Variants in DCLK1 observed in about 807,000 individuals in gnomAD.
DCLK1 encodes serine/threonine-protein kinase DCLK1.
Under a neutral mutation model 86.2 loss-of-function variants are expected in DCLK1, and 16 were observed. The observed-to-expected ratio is 0.19, with a 90% CI of 0.13 to 0.28. DCLK1 has a LOEUF of 0.28. DCLK1 is among the 10% of genes least tolerant of loss of function. The pLI, the probability that DCLK1 is intolerant of heterozygous loss-of-function variation, is 1.00. For missense variants in DCLK1, 590 were observed against 940.2 expected, an observed-to-expected ratio of 0.63 and a Z score of 4.87; for synonymous variants, 369 against 370.5, an observed-to-expected ratio of 1.00 and a Z score of 0.05.
At chr13:36,063,805 A>G (rs1304014005) in intron 3 of DCLK1, among the ~76,000 whole-genome samples, 1 of 152,250 alleles carries the variant, frequency 6.6e-6, no homozygotes, top group East Asian at 1.9e-4. Context: ...TTGAAATAAC[A>G]GCTTTATTAA....
intron 6 of DCLK1, among the ~76,000 whole-genome samples, chr13:35,839,977 A>G (rs1418420564): frequency 6.6e-6 from 1 of 152,202 alleles, no homozygotes; most frequent in Non-Finnish European, 1.5e-5. Flanking sequence ...TTTCAATGCT[A>G]TTTCTAAATA....
At chr13:35,949,825 G>T (rs375830157) in intron 3 of DCLK1, among the ~76,000 whole-genome samples, 8 of 130,672 alleles carry the variant, frequency 6.1e-5, no homozygotes, top group South Asian at 2.5e-4. Context: ...ATCTTGGGCA[G>T]TTTTTTTTTT....
intron 6 of DCLK1, chr13:35,849,994 C>T: frequency 1.0e-6 from 1 of 966,654 alleles, no homozygotes; most frequent in Non-Finnish European, 1.2e-6. Context: ...ATAGCTTAAG[C>T]TAAATTTATA....
In DCLK1 at chr13:36,004,073, TAAC is replaced by T. The variant is rs1441887982; in HGVS notation, c.724-56619_724-56617del. 2.0e-5 allele frequency among the ~76,000 whole-genome samples: 3 copies of T among 152,194 alleles called. 1 individual carries two copies. Among genetic ancestry groups the T allele is most frequent in the Admixed American group, 2.0e-4 (3 of 15,284 alleles). Reference sequence around the variant, plus strand: ...TAAATATAAAAAGTCATGGAATTGATAACAACAAAATAATACATTTATCTGATA... The same window carrying T: ...TAAATATAAAAAGTCATGGAATTGATAACAAAATAATACATTTATCTGATA... On this transcript the variant is annotated intron_variant, in intron 3 of 16. Coordinates refer to ENST00000360631, the MANE Select transcript of DCLK1 (RefSeq NM_001330071.2).
At chr13:36,046,664 G>C (rs1053546155) in intron 3 of DCLK1, among the ~76,000 whole-genome samples, 2 of 152,152 alleles carry the variant, frequency 1.3e-5, no homozygotes, top group Non-Finnish European at 2.9e-5. Flanking sequence ...AGTGTGTTAT[G>C]ACCCCATTCC....
At chr13:35,877,522 G>A (rs934450978) in intron 4 of DCLK1, among the ~76,000 whole-genome samples, 1 of 152,204 alleles carries the variant, frequency 6.6e-6, no homozygotes, top group Admixed American at 6.5e-5. Flanking sequence ...AGACAGCCTT[G>A]GTGACATGCT....
chr13:35,991,843 C>T (rs892141153), intron 3 of DCLK1, among the ~76,000 whole-genome samples: 2 of 152,122 alleles, frequency 1.3e-5, no homozygotes, highest in African/African-American at 4.8e-5. Flanking sequence ...AAACTGCCTA[C>T]CCTGTTCTAA....
chr13:35,925,676 TA>T (rs1876073334), intron 4 of DCLK1, among the ~76,000 whole-genome samples: 1 of 152,244 alleles, frequency 6.6e-6, no homozygotes, highest in Non-Finnish European at 1.5e-5. Context: ...TTAATTTTAT[TA>T]TCTTTGAGTC....
intron 3 of DCLK1, among the ~76,000 whole-genome samples, chr13:35,990,971 C>T (rs1298378847): frequency 6.6e-6 from 1 of 152,090 alleles, no homozygotes; most frequent in Admixed American, 6.5e-5. Context: ...TCCTGGTGGA[C>T]CAGGTTCCTT....
intron 8 of DCLK1, among the ~76,000 whole-genome samples, chr13:35,834,456 T>A (rs1869203689): frequency 1.3e-5 from 2 of 152,214 alleles, no homozygotes; most frequent in African/African-American, 4.8e-5. Context: ...GCTAAGTACT[T>A]CTTACCTGAC....
At chr13:36,118,986 T>C (rs535134117) in intron 2 of DCLK1, among the ~76,000 whole-genome samples, 7 of 152,300 alleles carry the variant, frequency 4.6e-5, no homozygotes, top group African/African-American at 1.7e-4. Context: ...CCTCATAAAC[T>C]AATCACCTAC....
chr13:36,001,228 G>A lies in DCLK1; in HGVS notation c.724-53771C>T, dbSNP rs547564697. Among the ~76,000 whole-genome samples the A allele has an allele frequency of 3.0e-3, 454 of 152,280 alleles. 1 individual carries two copies. Among genetic ancestry groups the A allele is most frequent in the Non-Finnish European group, 5.0e-3 (338 of 68,028 alleles). On this transcript the variant is annotated intron_variant, in intron 3 of 16. Coordinates refer to ENST00000360631, the MANE Select transcript of DCLK1 (RefSeq NM_001330071.2). ...CTCCCAAAGTGCTGGGATTATAGGC[G>A]TGAGCCACCGCGCCTGGCCGCATAA...
chr13:36,056,801 C>T (rs1313361543), intron 3 of DCLK1, among the ~76,000 whole-genome samples: 4 of 148,276 alleles, frequency 2.7e-5, no homozygotes, highest in Non-Finnish European at 5.9e-5. Context: ...GAGGCTGAGG[C>T]AGGAGAATGG....
At chr13:35,920,516 G>A (rs1048000881) in intron 4 of DCLK1, among the ~76,000 whole-genome samples, 2 of 151,744 alleles carry the variant, frequency 1.3e-5, no homozygotes, top group Non-Finnish European at 3.0e-5. Context: ...GCTTGAAGCA[G>A]GAATTGAAGG....
At chr13:35,892,137 G>T (rs771120560) in intron 4 of DCLK1, among the ~76,000 whole-genome samples, 9 of 152,062 alleles carry the variant, frequency 5.9e-5, no homozygotes, top group African/African-American at 2.2e-4. Context: ...GTGACACACC[G>T]TGTTATGCAA....
intron 16 of DCLK1, among the ~76,000 whole-genome samples, chr13:35,783,320 T>C (rs1340380124): frequency 6.6e-6 from 1 of 152,196 alleles, no homozygotes; most frequent in African/African-American, 2.4e-5. Flanking sequence ...GCAAATTTTT[T>C]TTTTTTTAGT....
At chr13:36,074,573 G>A (rs1270593300) in intron 3 of DCLK1, among the ~76,000 whole-genome samples, 4 of 143,962 alleles carry the variant, frequency 2.8e-5, no homozygotes, top group East Asian at 4.0e-4. Context: ...CAGATTATCC[G>A]TTGTTGAATA....
intron 3 of DCLK1, among the ~76,000 whole-genome samples, chr13:36,075,804 G>A (rs1309267926): frequency 3.9e-5 from 6 of 152,128 alleles, no homozygotes; most frequent in African/African-American, 1.4e-4. Context: ...ATCACCTGAG[G>A]TCAGGAGTTT....
Position 35,768,837 on chromosome 13 carries a change from G to A in DCLK1, c.*5698C>T, listed in dbSNP as rs1357160498. 6.6e-6 allele frequency: 1 copy of A among 152,224 alleles called. No individual in the cohort carries two copies. The highest frequency in any genetic ancestry group is 2.4e-5 in the African/African-American group (1 of 41,464). The allele number at this position is 152,224 out of a possible 1,614,324, so 9.4% of individuals were successfully genotyped here. On this transcript the variant is annotated 3_prime_UTR_variant, in exon 17 of 17. Transcript: ENST00000360631. ...TGACTAATTTTTAAAGCCTTGCATA[G>A]AGAGAATTCCCCCTAAGAACACAGC...
Sources: allele counts gnomAD v4.1 joint callset (sites outside exome capture counted in the v4.1 genomes callset), GRCh38; gene constraint gnomAD v4.1.1; transcripts MANE v1.5; gene names NCBI Gene and HGNC (gene_info 2026-07-23, HGNC 2026-07-21).